ELL: variants seen among roughly 807,000 people sequenced by gnomAD.
ELL encodes RNA polymerase II elongation factor ELL.
A neutral mutation model predicts 64.0 loss-of-function variants in ELL; 18 were observed. The observed-to-expected ratio is 0.28, with a 90% CI of 0.19 to 0.42. The LOEUF is 0.42. ELL is among the 10% of genes least tolerant of loss of function. The probability of loss-of-function intolerance (pLI) is 1.00; values close to 1 mark genes in which losing one functional copy is unlikely to be tolerated. For synonymous variants in ELL, 399 were observed against 376.2 expected, an observed-to-expected ratio of 1.06 and a Z score of -0.70; for missense variants, 797 against 870.4, an observed-to-expected ratio of 0.92 and a Z score of 1.06.
intron 1 of ELL, among the ~76,000 whole-genome samples, chr19:18,476,105 C>T (rs899347137): frequency 1.3e-5 from 2 of 152,208 alleles, no homozygotes. Context: ...TCCTCATGGG[C>T]CCCAGGAGCA....
chr19:18,454,090 C>A (rs1175908350), intron 6 of ELL, among the ~76,000 whole-genome samples: 1 of 152,144 alleles, frequency 6.6e-6, no homozygotes, highest in Non-Finnish European at 1.5e-5. Flanking sequence ...TGGAACTAGA[C>A]AGAGGTGGTG....
chr19:18,475,264 A>G (rs770913040), intron 1 of ELL, among the ~76,000 whole-genome samples: 1 of 152,206 alleles, frequency 6.6e-6, no homozygotes, highest in Non-Finnish European at 1.5e-5. Flanking sequence ...CTAGATTGAT[A>G]GCCATAAAAA....
Position 18,444,662 on chromosome 19 carries a change from T to C in ELL, c.*90A>G. On this transcript the variant is annotated 3_prime_UTR_variant, in exon 12 of 12. Transcript: ENST00000262809. Reference sequence around the variant, plus strand: ...CCGGCGGTGCTGGCTCAGATGAGCATCTTCCTCGGGTTTATTTTTTTAAAT... The same window carrying C: ...CCGGCGGTGCTGGCTCAGATGAGCACCTTCCTCGGGTTTATTTTTTTAAAT... The C allele has an allele frequency of 7.2e-7, 1 of 1,383,492 alleles. No homozygotes were observed. The allele number at this position is 1,383,492 out of a possible 1,614,324, so 85.7% of individuals were successfully genotyped here. A position where few individuals can be genotyped will look rare whatever the true frequency, so the allele number is the denominator to read the frequency against.
At chr19:18,460,802 C>T (rs1208538109) in intron 5 of ELL, among the ~76,000 whole-genome samples, 3 of 152,248 alleles carry the variant, frequency 2.0e-5, no homozygotes, top group Non-Finnish European at 4.4e-5. Flanking sequence ...GTGCAAGAGG[C>T]TCAGCCATGT....
chr19:18,498,755 GC>G (rs1975717807), intron 1 of ELL, among the ~76,000 whole-genome samples: 1 of 152,174 alleles, frequency 6.6e-6, no homozygotes, highest in Admixed American at 6.5e-5. Flanking sequence ...TTCGAGACCA[GC>G]CTGGACAACA....
Position 18,450,614 on chromosome 19 carries a change from G to C in ELL, c.1328C>G (p.Pro443Arg), listed in dbSNP as rs1412341401. ...CTTCTTCTTGGGCTTGCTGCGCGAG[G>C]GGCTGCCGTGTGGCCTGCTGGGCTG... ...CAQPSRPHGS[P>R]SRSKPKKKSK... is the part of the protein sequence containing the mutation. The change falls in exon 8 of 12, where the codon CCC becomes CGC. Residue 443 changes from proline to arginine, a missense_variant. Physicochemically the swap from Pro to Arg is moderately radical, Grantham distance 103. Coordinates refer to ENST00000262809, the MANE Select transcript of ELL (RefSeq NM_006532.4). The C allele has an allele frequency of 6.2e-7, 1 of 1,610,670 alleles. No individual in the cohort carries two copies. The highest frequency in any genetic ancestry group is 8.5e-7 in the Non-Finnish European group (1 of 1,179,034).
chr19:18,447,573 G>C (rs1974441388), intron 8 of ELL, among the ~76,000 whole-genome samples: 1 of 152,228 alleles, frequency 6.6e-6, no homozygotes. Flanking sequence ...CCAGGCAGCT[G>C]TCCTGCTCCT....
rs1470511409 is a variant in ELL at position 18,450,866 on chromosome 19, G to A, written c.1076C>T (p.Pro359Leu). Residue 359 changes from proline to leucine, a missense_variant, in exon 8 of 12, where the codon CCC becomes CTC. Pro to Leu is a moderately conservative substitution (Grantham distance 98, BLOSUM62 -3). Coordinates refer to ENST00000262809, the MANE Select transcript of ELL (RefSeq NM_006532.4). ...QPAVNGKLGVPNGREALLPTP... is the reference protein window; with the variant it reads ...QPAVNGKLGVLNGREALLPTP... Reference sequence around the variant, plus strand: ...GGGCAGCAAGGCCTCACGGCCATTGGGCACGCCCAGCTTCCCGTTGACGGC... The same window carrying A: ...GGGCAGCAAGGCCTCACGGCCATTGAGCACGCCCAGCTTCCCGTTGACGGC... The A allele has an allele frequency of 1.3e-6, 2 of 1,585,892 alleles. No individual in the cohort carries two copies. Among genetic ancestry groups the A allele is most frequent in the East Asian group, 4.5e-5 (2 of 44,372 alleles).
intron 1 of ELL, among the ~76,000 whole-genome samples, chr19:18,491,403 C>A (rs6512268): frequency 6.6e-6 from 1 of 151,322 alleles, no homozygotes; most frequent in African/African-American, 2.4e-5. Flanking sequence ...GTGAGTCACT[C>A]TGCCAGGCCA....
chr19:18,452,530 G>A (rs966340031), intron 6 of ELL, among the ~76,000 whole-genome samples: 2 of 152,242 alleles, frequency 1.3e-5, no homozygotes, highest in Non-Finnish European at 2.9e-5. Flanking sequence ...TGAAGACACC[G>A]GAAAGCATAG....
chr19:18,507,815 G>A (rs1327280107), intron 1 of ELL, among the ~76,000 whole-genome samples: 2 of 152,148 alleles, frequency 1.3e-5, no homozygotes, highest in Non-Finnish European at 2.9e-5. Flanking sequence ...TGCATTCAGA[G>A]CCCAACTAGA....
chr19:18,483,856 C>T (rs1187609249), intron 1 of ELL, among the ~76,000 whole-genome samples: 1 of 152,250 alleles, frequency 6.6e-6, no homozygotes, highest in African/African-American at 2.4e-5. Context: ...ACCCTGCCTG[C>T]ACCTCCATGG....
At chr19:18,481,309 G>A (rs557287314) in intron 1 of ELL, among the ~76,000 whole-genome samples, 3 of 152,226 alleles carry the variant, frequency 2.0e-5, no homozygotes, top group East Asian at 1.9e-4. Context: ...GTTCTCTCAC[G>A]GACTGGGGGC....
At chr19:18,494,104 A>C (rs573363772) in intron 1 of ELL, among the ~76,000 whole-genome samples, 77 of 152,242 alleles carry the variant, frequency 5.1e-4, no homozygotes, top group Middle Eastern at 3.4e-3. Flanking sequence ...AATCGCCACA[A>C]AAAAAAGTTT....
chr19:18,521,789 C>T, intron 1 of ELL, 132 bp downstream of exon 1: 1 of 1,350,328 alleles, frequency 7.4e-7, no homozygotes, highest in African/African-American at 1.5e-5. Flanking sequence ...CTCCGCGCCC[C>T]GCCGGCCCAG....
chr19:18,520,610 G>A (rs781623789), intron 1 of ELL, among the ~76,000 whole-genome samples: 1 of 152,008 alleles, frequency 6.6e-6, no homozygotes, highest in Non-Finnish European at 1.5e-5. Context: ...AACGAAACAG[G>A]GGGAAGAAAT....
intron 1 of ELL, among the ~76,000 whole-genome samples, chr19:18,497,603 T>C (rs1162679035): frequency 6.6e-6 from 1 of 151,960 alleles, no homozygotes; most frequent in African/African-American, 2.4e-5. Flanking sequence ...GAAGATCACT[T>C]GAGCCCAGAG....
In ELL at chr19:18,458,329, C is replaced by T. The variant is rs1426004132; in HGVS notation, c.745G>A (p.Val249Met). 3.1e-6 allele frequency: 5 copies of T among 1,608,900 alleles called. No homozygotes were observed. In the South Asian group the frequency reaches 4.4e-5, roughly 14 times the overall value. ...KDALDGLLQQ[V>M]ANMSAKDGTC... is the part of the protein sequence containing the mutation. ...CCGTCCTTAGCACTCATGTTGGCCA[C>T]CTGCAAGACAGAGCCAGCCATCACT... Residue 249 changes from valine to methionine, a missense_variant and splice_region_variant, in exon 6 of 12, where the codon GTG becomes ATG. Val to Met is a conservative substitution (Grantham distance 21). Transcript: ENST00000262809.
intron 1 of ELL, among the ~76,000 whole-genome samples, chr19:18,502,972 T>A (rs1352950470): frequency 6.6e-6 from 1 of 152,220 alleles, no homozygotes; most frequent in African/African-American, 2.4e-5. Flanking sequence ...TTCCAGTGGC[T>A]GCACACCCAC....
Sources: gnomAD v4.1 joint callset for allele counts (sites outside exome capture counted in the v4.1 genomes callset) on GRCh38, gnomAD v4.1.1 for gene constraint, MANE v1.5 for transcripts, NCBI Gene and HGNC (gene_info 2026-07-23, HGNC 2026-07-21) for gene names.